EPHB2: variants seen among roughly 807,000 people sequenced by gnomAD.
The protein encoded by EPHB2 is EPH receptor B2, also known as ephrin type-B receptor 2.
EPHB2 carries 18 observed loss-of-function variants against 96.4 expected under a neutral mutation model. The ratio of observed to expected loss-of-function variants is 0.19; its 90% CI spans 0.13 to 0.28. EPHB2 has a LOEUF of 0.28. EPHB2 is among the 10% of genes least tolerant of loss of function. EPHB2 has a pLI of 1.00. For missense variants in EPHB2, 989 were observed against 1,355.4 expected (o/e 0.73, Z 4.25); for synonymous variants, 506 against 534.1 (o/e 0.95, Z 0.72).
At chr1:22,740,336 C>G (rs1311354612) in intron 1 of EPHB2, among the ~76,000 whole-genome samples, 1 of 152,154 alleles carries the variant, frequency 6.6e-6, no homozygotes, top group Non-Finnish European at 1.5e-5. Flanking sequence ...TGGGACAATT[C>G]TTCCTTTTGT....
chr1:22,824,752 C>T (rs916038732), intron 3 of EPHB2, among the ~76,000 whole-genome samples: 5 of 152,242 alleles, frequency 3.3e-5, no homozygotes, highest in Non-Finnish European at 7.3e-5. Flanking sequence ...ATTAGTCTCG[C>T]GCTAATCTGC....
intron 3 of EPHB2, among the ~76,000 whole-genome samples, chr1:22,786,932 C>T (rs933635158): frequency 1.3e-5 from 2 of 152,220 alleles, no homozygotes; most frequent in African/African-American, 4.8e-5. Context: ...TAAAAGTGCA[C>T]AGCCTTGGAA....
intron 3 of EPHB2, among the ~76,000 whole-genome samples, chr1:22,840,739 A>C (rs961215214): frequency 6.6e-6 from 1 of 152,108 alleles, no homozygotes; most frequent in African/African-American, 2.4e-5. Flanking sequence ...GGGATTACAC[A>C]CATAAGCCAC....
At chr1:22,756,401 C>T (rs1038719351) in intron 1 of EPHB2, among the ~76,000 whole-genome samples, 7 of 152,064 alleles carry the variant, frequency 4.6e-5, no homozygotes, top group Non-Finnish European at 8.8e-5. Flanking sequence ...TCAGACTGAC[C>T]GCCAGGACCT....
intron 5 of EPHB2, among the ~76,000 whole-genome samples, chr1:22,882,156 G>T (rs1281099827): frequency 1.3e-5 from 2 of 152,156 alleles, no homozygotes; most frequent in African/African-American, 4.8e-5. Flanking sequence ...GGTGCCCCAT[G>T]AGAGCTCAGC....
intron 1 of EPHB2, among the ~76,000 whole-genome samples, chr1:22,753,862 T>C (rs1644103021): frequency 6.6e-6 from 1 of 152,196 alleles, no homozygotes. Flanking sequence ...CTCGGCGTAA[T>C]GAGCTCCAGA....
chr1:22,880,208 A>G (rs1050361819), intron 5 of EPHB2, among the ~76,000 whole-genome samples: 1 of 152,110 alleles, frequency 6.6e-6, no homozygotes, highest in Non-Finnish European at 1.5e-5. Flanking sequence ...AGCAAGGCAG[A>G]GAGGCAGTCT....
chr1:22,871,066 C>T (rs1286004760), intron 5 of EPHB2, among the ~76,000 whole-genome samples: 3 of 152,180 alleles, frequency 2.0e-5, no homozygotes, highest in Non-Finnish European at 2.9e-5. Context: ...TGCCAGGCAC[C>T]GTGCTAAGCC....
At chr1:22,726,034 C>A (rs1643573794) in intron 1 of EPHB2, among the ~76,000 whole-genome samples, 1 of 152,196 alleles carries the variant, frequency 6.6e-6, no homozygotes, top group South Asian at 2.1e-4. Flanking sequence ...TTCTCACAAT[C>A]CCACCCTCCC....
At chr1:22,735,445 A>C (rs1643806890) in intron 1 of EPHB2, among the ~76,000 whole-genome samples, 1 of 151,690 alleles carries the variant, frequency 6.6e-6, no homozygotes, top group Admixed American at 6.6e-5. Context: ...TATCAAAAAA[A>C]AAAAAAGAAG....
At chr1:22,891,533 T>C (rs544041089) in intron 6 of EPHB2, among the ~76,000 whole-genome samples, 1 of 152,216 alleles carries the variant, frequency 6.6e-6, no homozygotes, top group Admixed American at 6.5e-5. Context: ...GCAAAGAGGA[T>C]ATTTGGGGAA....
At chr1:22,910,033 C>G (rs1640042600) in intron 13 of EPHB2, among the ~76,000 whole-genome samples, 1 of 152,052 alleles carries the variant, frequency 6.6e-6, no homozygotes, top group Non-Finnish European at 1.5e-5. Flanking sequence ...CTGGGGAGGC[C>G]TTGGGGTCAT....
At chr1:22,781,961 G>A (rs1245879793) in intron 2 of EPHB2, among the ~76,000 whole-genome samples, 3 of 152,138 alleles carry the variant, frequency 2.0e-5, no homozygotes, top group African/African-American at 4.8e-5. Flanking sequence ...AAAGGGCTAA[G>A]GTTTGTATTC....
intron 4 of EPHB2, 126 bp downstream of exon 4, chr1:22,863,318 G>A: frequency 6.7e-7 from 1 of 1,503,182 alleles, no homozygotes; most frequent in East Asian, 2.4e-5. Flanking sequence ...AAGAGAAATG[G>A]AAAAGTGCTC....
chr1:22,759,376 G>A (rs1644203013), intron 1 of EPHB2, among the ~76,000 whole-genome samples: 1 of 19,026 alleles, frequency 5.3e-5, no homozygotes, highest in Non-Finnish European at 6.7e-3. Flanking sequence ...CTTCTCAACA[G>A]TACCTGTTAC....
At chr1:22,758,154 G>C (rs182350232) in intron 1 of EPHB2, among the ~76,000 whole-genome samples, 3,017 of 147,190 alleles carry the variant, frequency 0.02, 104 homozygotes, top group African/African-American at 0.071. Flanking sequence ...TCCTGACCTC[G>C]TGATCCGCCC....
intron 1 of EPHB2, among the ~76,000 whole-genome samples, chr1:22,769,462 A>G (rs139931344): frequency 0.011 from 1,627 of 152,256 alleles, 25 homozygotes; most frequent in African/African-American, 0.037. Context: ...GCTGGAATGC[A>G]GTGGTGAGAT....
At chr1:22,857,846 C>T (rs1317246781) in intron 3 of EPHB2, among the ~76,000 whole-genome samples, 1 of 152,094 alleles carries the variant, frequency 6.6e-6, no homozygotes, top group Non-Finnish European at 1.5e-5. Context: ...CTACGACCGG[C>T]CCGCGGCTCT....
intron 5 of EPHB2, among the ~76,000 whole-genome samples, chr1:22,870,109 A>G (rs1299054635): frequency 6.6e-6 from 1 of 152,158 alleles, no homozygotes; most frequent in African/African-American, 2.4e-5. Flanking sequence ...CAGACCCTAA[A>G]ATTCAATATA....
Sources: gnomAD v4.1 joint callset for allele counts (sites outside exome capture counted in the v4.1 genomes callset) on GRCh38, gnomAD v4.1.1 for gene constraint, MANE v1.5 for transcripts, NCBI Gene and HGNC (gene_info 2026-07-23, HGNC 2026-07-21) for gene names.